Variants in FAM111B observed in about 807,000 individuals in gnomAD.
FAM111B encodes serine protease FAM111B.
A neutral mutation model predicts 2.8 loss-of-function variants in FAM111B; 1 was observed. That is an observed-to-expected ratio of 0.36 (90% CI 0.13 to 1.70). FAM111B has a LOEUF of 1.70. Ranked by LOEUF, FAM111B falls within the 40% of genes most tolerant of loss-of-function variation. The pLI, the probability that FAM111B is intolerant of heterozygous loss-of-function variation, is 0.35. For synonymous variants in FAM111B, 297 were observed against 295.6 expected (o/e 1.00, Z -0.05); for missense variants, 882 against 878.9 (o/e 1.00, Z -0.04).
At position 59,124,482 on chromosome 11, in the gene FAM111B, A is replaced by C. The variant is rs1369129343; in HGVS notation, c.385A>C (p.Ile129Leu). The C allele has an allele frequency of 1.9e-6, 3 of 1,613,334 alleles. No homozygotes were observed. The East Asian group carries it at 6.7e-5, about 36-fold the overall frequency. The change falls in exon 4 of 4, where the codon ATT becomes CTT. Residue 129 changes from isoleucine to leucine, a missense_variant. Ile to Leu is a conservative substitution (Grantham distance 5). Transcript: ENST00000343597. ...ERIKNQFNKNIIVYEEKTIDG... is the reference protein window; with the variant it reads ...ERIKNQFNKNLIVYEEKTIDG... ...GATAAAGAATCAGTTTAATAAGAAC[A>C]TTATTGTTTATGAAGAAAAGACAAT...
At chr11:59,117,341 C>T (rs1473034576) in intron 3 of FAM111B, among the ~76,000 whole-genome samples, 1 of 152,142 alleles carries the variant, frequency 6.6e-6, no homozygotes, top group African/African-American at 2.4e-5. Flanking sequence ...GAACTCAGGT[C>T]CCATCAAAAT....
chr11:59,125,863 G>C lies in FAM111B; in HGVS notation c.1766G>C (p.Gly589Ala). ...HPEGQIKKID[G>A]CTVIPLNERL... ...GAAGGCCAGATCAAGAAAATAGATG[G>C]TTGTACTGTGATTCCTCTAAACGAA... Residue 589 changes from glycine (G) to alanine (A), a missense_variant, in exon 4 of 4, where the codon GGT becomes GCT. Gly to Ala is a moderately conservative substitution (Grantham distance 60). Transcript: ENST00000343597. 1 of 1,613,894 alleles carries C rather than the reference G, an allele frequency of 6.2e-7. No homozygotes were observed. Among genetic ancestry groups the C allele is most frequent in the Non-Finnish European group, 8.5e-7 (1 of 1,179,834 alleles).
In FAM111B at chr11:59,124,515, C is replaced by T. The variant is rs374363569; in HGVS notation, c.418C>T (p.His140Tyr). The T allele has an allele frequency of 1.4e-4, 221 of 1,612,964 alleles. No individual in the cohort carries two copies. Among genetic ancestry groups the T allele is most frequent in the Non-Finnish European group, 1.8e-4 (208 of 1,179,496 alleles). The change falls in exon 4 of 4, where the codon CAT becomes TAT. Residue 140 changes from histidine (H) to tyrosine (Y), a missense_variant. Transcript: ENST00000343597. ...IVYEEKTIDGHINLGMPLKCL... is the reference protein window; with the variant it reads ...IVYEEKTIDGYINLGMPLKCL... ...TTATGAAGAAAAGACAATAGATGGACATATAAATTTAGGAATGCCTCTCAA... is the reference window on the plus strand; with the variant it reads ...TTATGAAGAAAAGACAATAGATGGATATATAAATTTAGGAATGCCTCTCAA...
intron 3 of FAM111B, among the ~76,000 whole-genome samples, chr11:59,121,915 C>A (rs537492049): frequency 2.6e-4 from 39 of 152,248 alleles, no homozygotes; most frequent in Admixed American, 1.6e-3. Flanking sequence ...GAGGCCGAGG[C>A]AGGTGGATCA....
At position 59,127,281 on chromosome 11, in the gene FAM111B, G is replaced by A. The variant is rs980499847; in HGVS notation, c.*979G>A. 6.6e-6 allele frequency: 1 copy of A among 152,032 alleles called. No homozygotes were observed. The highest frequency in any genetic ancestry group is 2.4e-5 in the African/African-American group (1 of 41,386). The allele number at this position is 152,032 out of a possible 1,614,324, so 9.4% of individuals were successfully genotyped here. On this transcript the variant is annotated 3_prime_UTR_variant, in exon 4 of 4. Coordinates refer to ENST00000343597, the MANE Select transcript of FAM111B (RefSeq NM_198947.4). ...TGAAGACTGAAAAACTGCCTATGGG[G>A]TACTATGCTTATTACCTGGGTGATG... is the stretch of plus-strand genomic sequence containing the variant.
At chr11:59,120,462 C>T (rs1028415482) in intron 3 of FAM111B, among the ~76,000 whole-genome samples, 18 of 152,112 alleles carry the variant, frequency 1.2e-4, no homozygotes, top group African/African-American at 4.3e-4. Flanking sequence ...TAGAAAAGTC[C>T]AGACTATGTA....
In FAM111B at chr11:59,126,666, A is replaced by G. The variant is rs905083461; in HGVS notation, c.*364A>G. On this transcript the variant is annotated 3_prime_UTR_variant, in exon 4 of 4. Transcript: ENST00000343597. Reference sequence around the variant, plus strand: ...TATGAAAAAATACCTGATATCACTAATCATTAGAGAAATGCAAATCAAAAA... The same window carrying G: ...TATGAAAAAATACCTGATATCACTAGTCATTAGAGAAATGCAAATCAAAAA... 2 of 167,276 alleles carry G rather than the reference A, an allele frequency of 1.2e-5. No homozygotes were observed. The highest frequency in any genetic ancestry group is 2.6e-5 in the Non-Finnish European group (2 of 76,256). 10.4% of individuals were successfully genotyped at this position (167,276 alleles called of 1,614,324 possible).
chr11:59,108,267 G>T (rs1859697557), intron 1 of FAM111B, among the ~76,000 whole-genome samples: 1 of 152,242 alleles, frequency 6.6e-6, no homozygotes, highest in Non-Finnish European at 1.5e-5. Flanking sequence ...GAGAGGGTTG[G>T]TGGAAAGTTA....
Position 59,109,601 on chromosome 11 carries a change from T to G in FAM111B, c.-25T>G, listed in dbSNP as rs1300592684. ...CTCCATCTTATCGAGTAGTAGAAGT[T>G]AGTTACATTCTCTTTGAACTCATCA... On this transcript the variant is annotated 5_prime_UTR_variant, in exon 3 of 4. Transcript: ENST00000343597. The G allele has an allele frequency of 1.3e-6, 2 of 1,493,734 alleles. No homozygotes were observed. The highest frequency in any genetic ancestry group is 3.6e-5 in the Admixed American group (2 of 55,400). The allele number at this position is 1,493,734 out of a possible 1,614,324, so 92.5% of individuals were successfully genotyped here.
rs371989300 is a variant in FAM111B at position 59,125,201 on chromosome 11, G to A, written c.1104G>A (p.Pro368=). ...RQINSQVRRR[P]HLGRRYAINL... is the part of the protein sequence containing the mutation. ...TAAACTCACAAGTTAGACGGAGGCCGCATCTGGGTAGGCGGTATGCTATTA... is the reference window on the plus strand; with the variant it reads ...TAAACTCACAAGTTAGACGGAGGCCACATCTGGGTAGGCGGTATGCTATTA... The change falls in exon 4 of 4, where the codon CCG becomes CCA. Residue 368 remains proline (P), a synonymous_variant. Coordinates refer to ENST00000343597, the MANE Select transcript of FAM111B (RefSeq NM_198947.4). The A allele has an allele frequency of 3.3e-5, 54 of 1,613,828 alleles. No individual in the cohort carries two copies. The highest frequency in any genetic ancestry group is 2.5e-4 in the Admixed American group (15 of 59,986).
chr11:59,109,451 T>C (rs983330212), intron 2 of FAM111B, 89 bp from the exon 3 acceptor site: 3 of 486,702 alleles, frequency 6.2e-6, no homozygotes, highest in Non-Finnish European at 1.1e-5. Context: ...GATTTTCTTC[T>C]CAGATATCAG....
chr11:59,124,480 A>G lies in FAM111B; in HGVS notation c.383A>G (p.Asn128Ser). ...SERIKNQFNKNIIVYEEKTID... is the reference protein window; with the variant it reads ...SERIKNQFNKSIIVYEEKTID... The stretch of plus-strand genomic sequence containing the variant: ...AGGATAAAGAATCAGTTTAATAAGA[A>G]CATTATTGTTTATGAAGAAAAGACA... Residue 128 changes from asparagine (N) to serine (S), a missense_variant, in exon 4 of 4, where the codon AAC becomes AGC. Physicochemically the swap from Asn to Ser is conservative, Grantham distance 46 (BLOSUM62 1). Transcript: ENST00000343597. The G allele has an allele frequency of 6.2e-7, 1 of 1,613,526 alleles. No individual in the cohort carries two copies. The highest frequency in any genetic ancestry group is 1.1e-5 in the South Asian group (1 of 91,028).
intron 3 of FAM111B, among the ~76,000 whole-genome samples, chr11:59,114,269 G>C (rs970144742): frequency 6.6e-6 from 1 of 152,188 alleles, no homozygotes; most frequent in Non-Finnish European, 1.5e-5. Context: ...AGAAGGTGGG[G>C]CAGAGGGAGG....
intron 3 of FAM111B, among the ~76,000 whole-genome samples, chr11:59,112,443 T>G (rs1859774457): frequency 6.6e-6 from 1 of 152,232 alleles, no homozygotes; most frequent in African/African-American, 2.4e-5. Context: ...GTTTGGGGAC[T>G]TTGTATATAA....
At chr11:59,120,354 A>G (rs931452604) in intron 3 of FAM111B, among the ~76,000 whole-genome samples, 1 of 152,192 alleles carries the variant, frequency 6.6e-6, no homozygotes, top group East Asian at 1.9e-4. Context: ...GTCCCCCACA[A>G]TTCATATGTT....
At chr11:59,114,732 C>T (rs1159335043) in intron 3 of FAM111B, among the ~76,000 whole-genome samples, 1 of 152,054 alleles carries the variant, frequency 6.6e-6, no homozygotes, top group Non-Finnish European at 1.5e-5. Context: ...AAGGATATAC[C>T]AGTGAATACA....
At chr11:59,118,383 T>A (rs1859871527) in intron 3 of FAM111B, among the ~76,000 whole-genome samples, 1 of 152,176 alleles carries the variant, frequency 6.6e-6, no homozygotes, top group Admixed American at 6.5e-5. Flanking sequence ...ATTTGATCAC[T>A]CAGCAGAACC....
In FAM111B at chr11:59,125,827, T is replaced by C. The variant is rs1395132702; in HGVS notation, c.1730T>C (p.Ile577Thr). ...CCATCTACTGGTTTGATTTATTTAA[T>C]TGGTCATCCTGAAGGCCAGATCAAG... ...PQPSTGLIYL[I>T]GHPEGQIKKI... The change falls in exon 4 of 4, where the codon ATT becomes ACT. Residue 577 changes from isoleucine (I) to threonine (T), a missense_variant. Physicochemically the swap from Ile to Thr is moderately conservative, Grantham distance 89 (BLOSUM62 -1). Coordinates refer to ENST00000343597, the MANE Select transcript of FAM111B (RefSeq NM_198947.4). The C allele has an allele frequency of 1.9e-6, 3 of 1,613,808 alleles. No homozygotes were observed. The highest frequency in any genetic ancestry group is 2.5e-6 in the Non-Finnish European group (3 of 1,179,854).
intron 3 of FAM111B, among the ~76,000 whole-genome samples, chr11:59,112,320 G>C (rs549998516): frequency 1.3e-5 from 2 of 152,296 alleles, no homozygotes; most frequent in Admixed American, 1.3e-4. Flanking sequence ...ATTCATGAGT[G>C]TTGCATGCAC....
Sources: gnomAD v4.1 joint callset for allele counts (sites outside exome capture counted in the v4.1 genomes callset) on GRCh38, gnomAD v4.1.1 for gene constraint, MANE v1.5 for transcripts, NCBI Gene and HGNC (gene_info 2026-07-23, HGNC 2026-07-21) for gene names.